The following CASK variants were observed in gnomAD, a reference collection of about 807,000 sequenced individuals.
The protein encoded by CASK is calcium/calmodulin dependent serine protein kinase, also known as peripheral plasma membrane protein CASK.
CASK carries 4 observed loss-of-function variants against 82.9 expected under a neutral mutation model. The ratio of observed to expected loss-of-function variants is 0.05; its 90% CI spans 0.02 to 0.11. The LOEUF is 0.11. CASK is among the 10% of genes least tolerant of loss of function. The pLI is 1.00. For missense variants in CASK, 358 were observed against 720.9 expected, an observed-to-expected ratio of 0.50 and a Z score of 5.76; for synonymous variants, 259 against 253.5, an observed-to-expected ratio of 1.02 and a Z score of -0.20.
chrX:41,575,923 A>G (rs756321283), intron 15 of CASK, among the ~76,000 whole-genome samples: 1 of 110,370 alleles, frequency 9.1e-6, no homozygotes, highest in Admixed American at 9.6e-5. Flanking sequence ...AAAGTAACTC[A>G]GGGATGTAGT....
At chrX:41,922,778 T>C (rs1317670783) in intron 1 of CASK, 152 bp downstream of exon 1, 6 of 531,164 alleles carry the variant, frequency 1.1e-5, no homozygotes, top group Admixed American at 1.1e-4. Context: ...GAGCTCCAGG[T>C]ACACGTCTAT....
intron 5 of CASK, among the ~76,000 whole-genome samples, chrX:41,702,332 C>G (rs1305083336): frequency 6.4e-5 from 7 of 110,125 alleles, no homozygotes; most frequent in African/African-American, 2.0e-4. Context: ...TTGTGGTGAG[C>G]TGAGATTGTG....
At position 41,518,285 on chromosome X, in the gene CASK, G is replaced by A. The variant is rs773258227; in HGVS notation, c.*2135C>T. ...CTTCACCAGAAAAGAGGTAGAGTGC[G>A]CACCTTCACACTAAGAGCCCGAAAT... On this transcript the variant is annotated 3_prime_UTR_variant, in exon 27 of 27. Transcript: ENST00000378163. The A allele has an allele frequency of 2.6e-5, 3 of 117,380 alleles. No homozygotes were observed. Among genetic ancestry groups the A allele is most frequent in the South Asian group, 6.6e-4 (2 of 3,024 alleles). 9.7% of individuals were successfully genotyped at this position (117,380 alleles called of 1,213,427 possible).
At chrX:41,787,473 C>T (rs2069631636) in intron 2 of CASK, among the ~76,000 whole-genome samples, 190 bp from the exon 3 acceptor site, 1 of 103,345 alleles carries the variant, frequency 9.7e-6, no homozygotes. Flanking sequence ...ATATTTTTTG[C>T]AAGCTTAAAT....
chrX:41,582,845 C>T (rs895177934), intron 14 of CASK, among the ~76,000 whole-genome samples: 12 of 111,864 alleles, frequency 1.1e-4, no homozygotes, highest in African/African-American at 3.9e-4. Flanking sequence ...TAAAGCAGCT[C>T]CCACTTTACT....
intron 3 of CASK, among the ~76,000 whole-genome samples, chrX:41,770,295 T>C (rs191426958): frequency 0.011 from 1,045 of 92,736 alleles, 8 homozygotes; most frequent in African/African-American, 0.02. Flanking sequence ...TATCTATCTA[T>C]CTACCTACCT....
chrX:41,685,591 C>CT (rs1169344753), intron 5 of CASK, among the ~76,000 whole-genome samples: 1 of 111,667 alleles, frequency 9.0e-6, no homozygotes, highest in Non-Finnish European at 1.9e-5. Context: ...AAGCCACCCT[C>CT]TTGCCTCAGC....
At chrX:41,818,951 A>G (rs1172184593) in intron 2 of CASK, among the ~76,000 whole-genome samples, 2 of 111,573 alleles carry the variant, frequency 1.8e-5, no homozygotes, top group African/African-American at 6.5e-5. Context: ...AAAAAAAAGG[A>G]GAAAAGCTTT....
rs1252712343 is a variant in CASK at position 41,854,203 on chromosome X, T to TGC, written c.60-978_60-977dup. Among the ~76,000 whole-genome samples, 38 of 77,655 alleles carry TGC rather than the reference T, an allele frequency of 4.9e-4. 1 individual carries two copies. The highest frequency in any genetic ancestry group is 3.7e-3 in the Admixed American group (26 of 7,020). The allele number at this position is 77,655 out of a possible 115,157, so 67.4% of individuals were successfully genotyped here. On this transcript the variant is annotated intron_variant, in intron 1 of 26. Coordinates refer to ENST00000378163, the MANE Select transcript of CASK (RefSeq NM_001367721.1). ...TGCCCATACCCTGGTCCAGGGAACATGCGCGCGCGCGCGGGCGCGCGCACA... is the reference window on the plus strand; with the variant it reads ...TGCCCATACCCTGGTCCAGGGAACATGCGCGCGCGCGCGCGGGCGCGCGCACA...
At chrX:41,572,406 T>A (rs1255005039) in intron 15 of CASK, among the ~76,000 whole-genome samples, 1 of 111,893 alleles carries the variant, frequency 8.9e-6, no homozygotes, top group Non-Finnish European at 1.9e-5. Context: ...TTTCTTTGTA[T>A]TATTTTTTAT....
chrX:41,646,161 C>T (rs1298120856), intron 8 of CASK, among the ~76,000 whole-genome samples: 1 of 111,445 alleles, frequency 9.0e-6, no homozygotes, highest in African/African-American at 3.3e-5. Flanking sequence ...TGGTCTCTCC[C>T]TTTCTCCTTT....
At chrX:41,701,314 T>C (rs1035938239) in intron 5 of CASK, among the ~76,000 whole-genome samples, 44 of 111,955 alleles carry the variant, frequency 3.9e-4, no homozygotes, top group Non-Finnish European at 1.9e-4. Context: ...GAAAAATTCA[T>C]AGATTTGACT....
chrX:41,542,437 T>G (rs2064960071), intron 22 of CASK, among the ~76,000 whole-genome samples: 1 of 113,102 alleles, frequency 8.8e-6, no homozygotes, highest in Admixed American at 9.3e-5. Flanking sequence ...ACGTGTTGGA[T>G]TCTTTTCATT....
At chrX:41,870,159 A>C (rs2071680610) in intron 1 of CASK, among the ~76,000 whole-genome samples, 1 of 111,202 alleles carries the variant, frequency 9.0e-6, no homozygotes, top group South Asian at 3.8e-4. Flanking sequence ...CCACTGAATC[A>C]TGGCAGGATA....
In CASK at chrX:41,836,999, A is replaced by T. The variant is rs191367149; in HGVS notation, c.172+16116T>A. 1.6e-3 allele frequency among the ~76,000 whole-genome samples: 182 copies of T among 112,190 alleles called. 1 individual carries two copies. Among genetic ancestry groups the T allele is most frequent in the African/African-American group, 5.6e-3 (174 of 30,923 alleles). On this transcript the variant is annotated intron_variant, in intron 2 of 26. Transcript: ENST00000378163. ...ACAGTTTTTGATGATGCTATCAGTT[A>T]TATCAGTCAGGGTTTGCCTGTACAG...
At chrX:41,917,854 TC>T (rs1259646823) in intron 1 of CASK, among the ~76,000 whole-genome samples, 5 of 111,478 alleles carry the variant, frequency 4.5e-5, no homozygotes, top group Non-Finnish European at 9.4e-5. Context: ...CAATATTGCT[TC>T]CCCACTCCCA....
chrX:41,824,073 C>T (rs1011558664), intron 2 of CASK, among the ~76,000 whole-genome samples: 6 of 111,623 alleles, frequency 5.4e-5, no homozygotes, highest in African/African-American at 2.0e-4. Flanking sequence ...TGATAGTATC[C>T]ATTTGAATAA....
chrX:41,817,453 A>G (rs955140371), intron 2 of CASK, among the ~76,000 whole-genome samples: 2 of 112,110 alleles, frequency 1.8e-5, no homozygotes, highest in African/African-American at 6.5e-5. Flanking sequence ...TCAAGATGAC[A>G]TAACTGACAT....
intron 2 of CASK, among the ~76,000 whole-genome samples, chrX:41,791,414 G>A (rs897601614): frequency 9.1e-6 from 1 of 109,540 alleles, no homozygotes; most frequent in Non-Finnish European, 1.9e-5. Context: ...CCATTCCTGA[G>A]TTACTTCACT....
Sources: allele counts gnomAD v4.1 joint callset (sites outside exome capture counted in the v4.1 genomes callset), GRCh38; gene constraint gnomAD v4.1.1; transcripts MANE v1.5; gene names NCBI Gene and HGNC (gene_info 2026-07-23, HGNC 2026-07-21).